The following TMEM45A variants were observed in gnomAD, a reference collection of about 807,000 sequenced individuals.
TMEM45A encodes the protein transmembrane protein 45A.
A neutral mutation model predicts 32.0 loss-of-function variants in TMEM45A; 25 were observed. The observed-to-expected ratio is 0.78, with a 90% CI of 0.57 to 1.09. TMEM45A has a LOEUF of 1.09. Ranked by LOEUF, TMEM45A falls within the 50% of genes least tolerant of loss-of-function variation. The pLI, the probability that TMEM45A is intolerant of heterozygous loss-of-function variation, is 0.00. For missense variants in TMEM45A, 302 were observed against 325.0 expected, an observed-to-expected ratio of 0.93 and a Z score of 0.54; for synonymous variants, 122 against 114.8, an observed-to-expected ratio of 1.06 and a Z score of -0.40.
chr3:100,513,152 G>C (rs1381635114), intron 1 of TMEM45A, among the ~76,000 whole-genome samples: 3 of 148,342 alleles, frequency 2.0e-5, no homozygotes, highest in African/African-American at 7.7e-5. Context: ...TGATACCAAA[G>C]CCTGGCAGAG....
At chr3:100,512,738 A>G (rs1708188132) in intron 1 of TMEM45A, among the ~76,000 whole-genome samples, 2 of 151,444 alleles carry the variant, frequency 1.3e-5, no homozygotes, top group South Asian at 4.2e-4. Flanking sequence ...CAAGACTAAT[A>G]AAGAAAAAAA....
chr3:100,526,069 C>T (rs1232585572), intron 1 of TMEM45A, among the ~76,000 whole-genome samples: 1 of 152,198 alleles, frequency 6.6e-6, no homozygotes, highest in Non-Finnish European at 1.5e-5. Context: ...GCCACTTAAC[C>T]AGTTTCCTTG....
intron 5 of TMEM45A, chr3:100,572,815 A>C (rs1256648851): frequency 6.7e-6 from 1 of 149,560 alleles, no homozygotes; most frequent in African/African-American, 2.4e-5. Flanking sequence ...AGCTTTCTAC[A>C]TATGGCTAGC....
chr3:100,507,969 A>G (rs998318511), intron 1 of TMEM45A, among the ~76,000 whole-genome samples: 23 of 151,226 alleles, frequency 1.5e-4, no homozygotes, highest in African/African-American at 4.6e-4. Flanking sequence ...CACGATGTCA[A>G]ATAGAGTATT....
intron 1 of TMEM45A, among the ~76,000 whole-genome samples, chr3:100,512,548 C>T (rs1708184407): frequency 6.6e-6 from 1 of 152,108 alleles, no homozygotes; most frequent in Non-Finnish European, 1.5e-5. Flanking sequence ...GACACCCTAA[C>T]ATCACAATTA....
chr3:100,535,215 G>A (rs1383662388), intron 1 of TMEM45A, among the ~76,000 whole-genome samples: 1 of 151,918 alleles, frequency 6.6e-6, no homozygotes, highest in Non-Finnish European at 1.5e-5. Context: ...CCGCTTCCCG[G>A]GTTCAAAGGA....
chr3:100,551,293 T>G (rs9845649), intron 1 of TMEM45A, among the ~76,000 whole-genome samples: 3 of 151,830 alleles, frequency 2.0e-5, no homozygotes, highest in Non-Finnish European at 4.4e-5. Flanking sequence ...GATTACAGGC[T>G]TGAGCCACTG....
chr3:100,505,487 T>G (rs1390012650), intron 1 of TMEM45A, among the ~76,000 whole-genome samples: 1 of 152,232 alleles, frequency 6.6e-6, no homozygotes, highest in Non-Finnish European at 1.5e-5. Context: ...AGGAAATTTA[T>G]GTTTAATAGA....
intron 1 of TMEM45A, among the ~76,000 whole-genome samples, chr3:100,511,508 G>T (rs1480068694): frequency 6.7e-6 from 1 of 149,532 alleles, no homozygotes; most frequent in Non-Finnish European, 1.5e-5. Flanking sequence ...GGTACCAGCC[G>T]CTGCAAAATC....
At chr3:100,553,178 A>C (rs898030317) in intron 1 of TMEM45A, among the ~76,000 whole-genome samples, 3 of 152,236 alleles carry the variant, frequency 2.0e-5, no homozygotes, top group East Asian at 1.9e-4. Context: ...CATTTTACAG[A>C]AGAGAAAACT....
At chr3:100,530,852 A>C (rs1329523553) in intron 1 of TMEM45A, among the ~76,000 whole-genome samples, 1 of 152,168 alleles carries the variant, frequency 6.6e-6, no homozygotes, top group Non-Finnish European at 1.5e-5. Context: ...CTTTGAGTTC[A>C]TCTGTTGCAG....
intron 1 of TMEM45A, chr3:100,519,573 G>A: frequency 6.4e-7 from 1 of 1,551,034 alleles, no homozygotes; most frequent in Non-Finnish European, 8.7e-7. Context: ...GATGACCAAT[G>A]ACTCAGAAGG....
intron 1 of TMEM45A, among the ~76,000 whole-genome samples, chr3:100,549,050 C>A (rs1430525166): frequency 6.6e-6 from 1 of 152,078 alleles, no homozygotes; most frequent in Non-Finnish European, 1.5e-5. Flanking sequence ...GAGTTCGAGA[C>A]CAGCCTGGCC....
chr3:100,519,281 T>C (rs1036011091), intron 1 of TMEM45A: 18 of 475,302 alleles, frequency 3.8e-5, no homozygotes, highest in African/African-American at 3.5e-4. Context: ...TCAGTACGCA[T>C]GATTCGTGGG....
intron 1 of TMEM45A, among the ~76,000 whole-genome samples, chr3:100,542,589 T>A (rs1035191727): frequency 1.3e-5 from 2 of 152,088 alleles, no homozygotes; most frequent in Admixed American, 1.3e-4. Flanking sequence ...ACACATGCAC[T>A]CACACATTCA....
At chr3:100,557,080 ACCATATATCTGGG>A in intron 3 of TMEM45A, 108 bp downstream of exon 3, 1 of 1,221,188 alleles carries the variant, frequency 8.2e-7, no homozygotes, top group East Asian at 2.3e-5. Context: ...GATTGATAGG[ACCATATATCTGGG>A]CCATAATGAA....
intron 1 of TMEM45A, among the ~76,000 whole-genome samples, chr3:100,514,145 C>CA (rs1014520183): frequency 2.5e-4 from 38 of 152,026 alleles, no homozygotes; most frequent in Admixed American, 5.9e-4. Context: ...CATATGGAAC[C>CA]AAAAAAGAGC....
chr3:100,559,741 A>G (rs1378394011), intron 4 of TMEM45A, among the ~76,000 whole-genome samples: 1 of 152,148 alleles, frequency 6.6e-6, no homozygotes, highest in Non-Finnish European at 1.5e-5. Flanking sequence ...CTTCTGGTCA[A>G]GATGACACAG....
intron 1 of TMEM45A, among the ~76,000 whole-genome samples, chr3:100,540,555 T>C (rs1463859818): frequency 2.0e-5 from 3 of 152,168 alleles, no homozygotes; most frequent in Non-Finnish European, 4.4e-5. Flanking sequence ...TTGATGAGAA[T>C]GCGGAGAAAC....
Sources: allele counts gnomAD v4.1 joint callset (sites outside exome capture counted in the v4.1 genomes callset), GRCh38; gene constraint gnomAD v4.1.1; transcripts MANE v1.5; gene names NCBI Gene and HGNC (gene_info 2026-07-23, HGNC 2026-07-21).